The following SNCAIP variants were observed in gnomAD, a reference collection of about 807,000 sequenced individuals.
SNCAIP encodes synuclein alpha interacting protein.
SNCAIP carries 43 observed loss-of-function variants against 86.7 expected under a neutral mutation model. The ratio of observed to expected loss-of-function variants is 0.50; its 90% CI spans 0.39 to 0.64. The LOEUF (loss-of-function observed/expected upper bound fraction) is 0.64. Ranked by LOEUF, SNCAIP falls within the 30% of genes least tolerant of loss-of-function variation. The pLI is 0.00. For missense variants in SNCAIP, 981 were observed against 1,103.1 expected (o/e 0.89, Z 1.57); for synonymous variants, 417 against 427.2 (o/e 0.98, Z 0.29).
intron 1 of SNCAIP, among the ~76,000 whole-genome samples, chr5:122,320,433 C>G (rs1752681230): frequency 1.3e-5 from 2 of 152,096 alleles, no homozygotes. Flanking sequence ...AGATGTGGGT[C>G]CTGAGCTCAT....
At chr5:122,439,178 A>G (rs1227918994) in intron 6 of SNCAIP, among the ~76,000 whole-genome samples, 1 of 152,160 alleles carries the variant, frequency 6.6e-6, no homozygotes, top group Non-Finnish European at 1.5e-5. Context: ...ATCAGCTCCA[A>G]TTTTCTCTAG....
At chr5:122,376,208 C>G (rs1371349215) in intron 1 of SNCAIP, among the ~76,000 whole-genome samples, 1 of 152,060 alleles carries the variant, frequency 6.6e-6, no homozygotes, top group African/African-American at 2.4e-5. Context: ...AGAATGAAGC[C>G]AAGATAACTG....
intron 2 of SNCAIP, among the ~76,000 whole-genome samples, chr5:122,397,715 TG>T (rs1272314385): frequency 6.6e-6 from 1 of 152,006 alleles, no homozygotes; most frequent in African/African-American, 2.4e-5. Flanking sequence ...TGGTTGAAAT[TG>T]GGGGTATAGT....
chr5:122,391,271 A>G (rs1769287054), intron 2 of SNCAIP, 80 bp downstream of exon 2: 2 of 1,000,230 alleles, frequency 2.0e-6, no homozygotes, highest in Non-Finnish European at 3.2e-6. Flanking sequence ...ATTATAGTCT[A>G]TATATCCTCA....
At chr5:122,373,268 T>C (rs1580773329) in intron 1 of SNCAIP, among the ~76,000 whole-genome samples, 1 of 152,148 alleles carries the variant, frequency 6.6e-6, no homozygotes, top group Admixed American at 6.6e-5. Context: ...ATCAAGTCCC[T>C]GGAGATGACA....
chr5:122,421,316 A>G (rs1367991784), intron 3 of SNCAIP, among the ~76,000 whole-genome samples: 2 of 152,230 alleles, frequency 1.3e-5, no homozygotes, highest in African/African-American at 2.4e-5. Context: ...ATTTCAGGGA[A>G]AGAACTCACT....
At chr5:122,348,688 G>A (rs1759137396) in intron 1 of SNCAIP, among the ~76,000 whole-genome samples, 1 of 152,036 alleles carries the variant, frequency 6.6e-6, no homozygotes, top group Non-Finnish European at 1.5e-5. Context: ...TGACAAATGA[G>A]AAGCCAGCAG....
intron 6 of SNCAIP, among the ~76,000 whole-genome samples, chr5:122,438,006 A>AC (rs1375394838): frequency 6.6e-6 from 1 of 151,906 alleles, no homozygotes; most frequent in African/African-American, 2.4e-5. Context: ...GAATAGACAT[A>AC]CCCCCCATAA....
chr5:122,451,704 G>GGA, intron 10 of SNCAIP, 103 bp downstream of exon 10: 1 of 698,554 alleles, frequency 1.4e-6, no homozygotes, highest in Non-Finnish European at 2.3e-6. Flanking sequence ...GAATCCCCAG[G>GGA]AAAAAAAAAA....
At chr5:122,437,624 G>C (rs1003583723) in intron 6 of SNCAIP, among the ~76,000 whole-genome samples, 3 of 152,150 alleles carry the variant, frequency 2.0e-5, no homozygotes, top group Non-Finnish European at 4.4e-5. Flanking sequence ...ACCTTGTTCT[G>C]AACAGTCAAA....
chr5:122,445,059 C>T, intron 8 of SNCAIP: 1 of 379,540 alleles, frequency 2.6e-6, no homozygotes, highest in Non-Finnish European at 5.0e-6. Flanking sequence ...CACTCATAGG[C>T]ATCATCTCCA....
In SNCAIP at chr5:122,351,748, G is replaced by A. The variant is rs117954136; in HGVS notation, c.-46-39341G>A. Among the ~76,000 whole-genome samples, 56 of 152,164 alleles carry A rather than the reference G, an allele frequency of 3.7e-4. 1 individual carries two copies. The East Asian group carries it at 0.01, about 28-fold the overall frequency. ...GGACCCAGCTGTAACTTGGATGTTT[G>A]TGCTGACCTCATCGGGGAAGGCTGG... On this transcript the variant is annotated intron_variant, in intron 1 of 10. Transcript: ENST00000261368.
intron 1 of SNCAIP, among the ~76,000 whole-genome samples, chr5:122,350,236 C>T (rs1287888478): frequency 6.6e-5 from 10 of 152,110 alleles, no homozygotes; most frequent in Middle Eastern, 3.2e-3. Flanking sequence ...TACATAAATA[C>T]GTTGCTGATC....
At chr5:122,425,204 A>G in intron 4 of SNCAIP, 148 bp from the exon 5 acceptor site, 1 of 733,586 alleles carries the variant, frequency 1.4e-6, no homozygotes, top group Non-Finnish European at 2.5e-6. Context: ...ACAAAGAATA[A>G]TAGCAAGAAA....
chr5:122,444,281 C>T, intron 7 of SNCAIP: 1 of 519,302 alleles, frequency 1.9e-6, no homozygotes, highest in Non-Finnish European at 3.7e-6. Flanking sequence ...GACAGAACTC[C>T]CCACCACAAA....
intron 3 of SNCAIP, among the ~76,000 whole-genome samples, chr5:122,413,760 A>G (rs906429616): frequency 2.6e-5 from 4 of 152,170 alleles, no homozygotes; most frequent in Non-Finnish European, 4.4e-5. Context: ...AAGAAAAAAA[A>G]AGGATCACCA....
chr5:122,408,822 G>C (rs954266110), intron 3 of SNCAIP, among the ~76,000 whole-genome samples: 1 of 152,206 alleles, frequency 6.6e-6, no homozygotes, highest in Non-Finnish European at 1.5e-5. Flanking sequence ...ATTGTGCCAG[G>C]CCTCTGTAAG....
chr5:122,341,403 T>C (rs1757554270), intron 1 of SNCAIP, among the ~76,000 whole-genome samples: 1 of 152,192 alleles, frequency 6.6e-6, no homozygotes, highest in Admixed American at 6.5e-5. Context: ...AATATAAAAA[T>C]CAACATTATT....
At chr5:122,319,652 G>A (rs10052067) in intron 1 of SNCAIP, among the ~76,000 whole-genome samples, 40,954 of 152,096 alleles carry the variant, frequency 0.27, 6,568 homozygotes, top group African/African-American at 0.46. Flanking sequence ...ATTGAATCTC[G>A]TCTGTGGATT....
Sources: allele counts gnomAD v4.1 joint callset (sites outside exome capture counted in the v4.1 genomes callset), GRCh38; gene constraint gnomAD v4.1.1; transcripts MANE v1.5; gene names NCBI Gene and HGNC (gene_info 2026-07-23, HGNC 2026-07-21).